Variants in ANKFN1 observed in about 807,000 individuals in gnomAD.
ANKFN1 encodes ankyrin repeat and fibronectin type III domain containing 1.
In ANKFN1, 74 loss-of-function variants were observed where a neutral mutation model predicts 108.7. That is an observed-to-expected ratio of 0.68 (90% CI 0.56 to 0.83). The LOEUF (loss-of-function observed/expected upper bound fraction) is 0.83, where lower values mean the gene tolerates loss of function less well. Among genes scored for constraint, ANKFN1 ranks in the 40% least tolerant of loss-of-function variants. ANKFN1 has a pLI of 0.00. For missense variants in ANKFN1, 1,505 were observed against 1,382.3 expected, an observed-to-expected ratio of 1.09 and a Z score of -1.41; for synonymous variants, 547 against 516.2, an observed-to-expected ratio of 1.06 and a Z score of -0.81.
chr17:56,299,479 T>G (rs1567895534), intron 3 of ANKFN1, among the ~76,000 whole-genome samples: 1 of 152,244 alleles, frequency 6.6e-6, no homozygotes, highest in African/African-American at 2.4e-5. Context: ...CTGTACATTC[T>G]GAATGTCTTT....
At chr17:56,332,807 T>A (rs1388965234) in intron 4 of ANKFN1, among the ~76,000 whole-genome samples, 4 of 152,256 alleles carry the variant, frequency 2.6e-5, no homozygotes, top group Non-Finnish European at 2.9e-5. Context: ...CTATTTTAGA[T>A]CCTTTCCATT....
chr17:56,053,549 A>G (rs977206459), intron 4 of ANKFN1, among the ~76,000 whole-genome samples: 1 of 152,102 alleles, frequency 6.6e-6, no homozygotes, highest in African/African-American at 2.4e-5. Context: ...TTTCCCATTC[A>G]TCTATTGATG....
chr17:56,225,249 C>T (rs896512492), intron 2 of ANKFN1, among the ~76,000 whole-genome samples: 1 of 152,008 alleles, frequency 6.6e-6, no homozygotes, highest in African/African-American at 2.4e-5. Flanking sequence ...CCTGCTCTAG[C>T]GTAAGAATAA....
At chr17:56,069,304 A>G (rs778453911) in intron 4 of ANKFN1, among the ~76,000 whole-genome samples, 3 of 152,172 alleles carry the variant, frequency 2.0e-5, no homozygotes, top group Non-Finnish European at 2.9e-5. Context: ...TTTGTATCTA[A>G]AGTGATGGGG....
At position 56,266,203 on chromosome 17, in the gene ANKFN1, A is replaced by T. The variant is rs189170407; in HGVS notation, c.53+38246A>T. Among the ~76,000 whole-genome samples the T allele has an allele frequency of 3.0e-4, 46 of 152,144 alleles. 1 individual carries two copies. Among genetic ancestry groups the T allele is most frequent in the Admixed American group, 1.8e-3 (28 of 15,270 alleles). Reference sequence around the variant, plus strand: ...CCCTGGGCTATTTATTGTCTCTTTAATTTCTTATTTGGGGCCTCAAAGGTA... The same window carrying T: ...CCCTGGGCTATTTATTGTCTCTTTATTTTCTTATTTGGGGCCTCAAAGGTA... On this transcript the variant is annotated intron_variant, in intron 3 of 20. Coordinates refer to ENST00000682825, the MANE Select transcript of ANKFN1 (RefSeq NM_001370326.1).
At chr17:56,432,143 A>G (rs1040857875) in intron 8 of ANKFN1, among the ~76,000 whole-genome samples, 15 of 152,176 alleles carry the variant, frequency 9.9e-5, no homozygotes, top group African/African-American at 3.6e-4. Context: ...AGTTCTTGCT[A>G]TTGTTCAGTT....
At chr17:56,073,949 C>T (rs1431316) in intron 4 of ANKFN1, among the ~76,000 whole-genome samples, 35,776 of 151,950 alleles carry the variant, frequency 0.24, 6,235 homozygotes, top group African/African-American at 0.49. Flanking sequence ...GATTGTGTTA[C>T]TTGAGCATTT....
At chr17:56,157,465 A>G (rs1909221542) in intron 1 of ANKFN1, among the ~76,000 whole-genome samples, 1 of 152,168 alleles carries the variant, frequency 6.6e-6, no homozygotes, top group Non-Finnish European at 1.5e-5. Context: ...GCACACTGGG[A>G]AACAATGCTT....
intron 3 of ANKFN1, among the ~76,000 whole-genome samples, chr17:56,240,639 C>CCTAT (rs1250476568): frequency 2.6e-5 from 4 of 152,096 alleles, no homozygotes; most frequent in Non-Finnish European, 5.9e-5. Context: ...AGTTTACATT[C>CCTAT]CTATGAGCAG....
chr17:56,245,484 G>C (rs887404855), intron 3 of ANKFN1, among the ~76,000 whole-genome samples: 7 of 152,046 alleles, frequency 4.6e-5, no homozygotes, highest in Admixed American at 4.6e-4. Flanking sequence ...AAATTTCACT[G>C]CTAGTTTTGA....
At chr17:56,352,470 CA>C (rs1389686145) in intron 5 of ANKFN1, among the ~76,000 whole-genome samples, 1 of 152,108 alleles carries the variant, frequency 6.6e-6, no homozygotes, top group Non-Finnish European at 1.5e-5. Flanking sequence ...TTTTAAAGAC[CA>C]AGCAACTCTT....
chr17:56,087,530 T>TC (rs150782408), intron 4 of ANKFN1, among the ~76,000 whole-genome samples: 4,122 of 151,326 alleles, frequency 0.027, 262 homozygotes, highest in African/African-American at 0.094. Context: ...GCCAGTGGAC[T>TC]CCCCTGCACT....
rs117041164 is a variant in ANKFN1, at chr17:56,146,306, T to A, written c.289-81611T>A. On this transcript the variant is annotated intron_variant, in intron 4 of 12. Transcript: ENST00000635860. Reference sequence around the variant, plus strand: ...CCAGGTGCATGGTGCAGCCTGTTAGTGGATCTACCATTCTGGGGTCTGGAG... The same window carrying A: ...CCAGGTGCATGGTGCAGCCTGTTAGAGGATCTACCATTCTGGGGTCTGGAG... Among the ~76,000 whole-genome samples the A allele has an allele frequency of 8.2e-3, 1,256 of 152,316 alleles. 9 individuals carry two copies. Among genetic ancestry groups the A allele is most frequent in the Middle Eastern group, 0.017 (5 of 294 alleles).
chr17:56,170,062 C>T (rs1303612517), intron 1 of ANKFN1, among the ~76,000 whole-genome samples: 2 of 152,174 alleles, frequency 1.3e-5, no homozygotes, highest in African/African-American at 4.8e-5. Context: ...CATCCCAGGT[C>T]CTGAAAGTGT....
chr17:56,320,829 G>A (rs2045344861), intron 3 of ANKFN1, among the ~76,000 whole-genome samples: 1 of 152,222 alleles, frequency 6.6e-6, no homozygotes, highest in Admixed American at 6.5e-5. Flanking sequence ...CACATGATTA[G>A]TTCAGATAAA....
At chr17:56,295,019 G>A (rs572935306) in intron 3 of ANKFN1, among the ~76,000 whole-genome samples, 9 of 152,264 alleles carry the variant, frequency 5.9e-5, no homozygotes, top group South Asian at 2.1e-4. Context: ...CTGAAATTAC[G>A]TCAGGTAACA....
At chr17:56,456,343 G>A (rs955006737) in intron 11 of ANKFN1, among the ~76,000 whole-genome samples, 4 of 151,552 alleles carry the variant, frequency 2.6e-5, no homozygotes, top group Non-Finnish European at 5.9e-5. Context: ...GCATTTTTGA[G>A]GAGTTGTTCA....
At chr17:56,190,774 C>T (rs1352900184) in intron 1 of ANKFN1, among the ~76,000 whole-genome samples, 2 of 146,068 alleles carry the variant, frequency 1.4e-5, no homozygotes, top group Non-Finnish European at 3.0e-5. Flanking sequence ...TCTTTGTTGA[C>T]TTTCTGTCTC....
intron 1 of ANKFN1, among the ~76,000 whole-genome samples, chr17:56,170,518 C>G (rs1167496250): frequency 6.6e-6 from 1 of 151,750 alleles, no homozygotes; most frequent in East Asian, 2.0e-4. Context: ...ATCCCAGCAC[C>G]TTGGGAGGCC....
Sources: gnomAD v4.1 joint callset for allele counts (sites outside exome capture counted in the v4.1 genomes callset) on GRCh38, gnomAD v4.1.1 for gene constraint, MANE v1.5 for transcripts, NCBI Gene and HGNC (gene_info 2026-07-23, HGNC 2026-07-21) for gene names.